NRG3: variants seen among roughly 807,000 people sequenced by gnomAD.
The protein encoded by NRG3 is pro-neuregulin-3, membrane-bound isoform.
Under a neutral mutation model 66.9 loss-of-function variants are expected in NRG3, and 31 were observed. The ratio of observed to expected loss-of-function variants is 0.46; its 90% CI spans 0.35 to 0.63. NRG3 has a LOEUF of 0.63. Among genes scored for constraint, NRG3 ranks in the 20% least tolerant of loss-of-function variants. The pLI is 0.00. For synonymous variants in NRG3, 393 were observed against 359.4 expected, an observed-to-expected ratio of 1.09 and a Z score of -1.06; for missense variants, 910 against 878.9, an observed-to-expected ratio of 1.04 and a Z score of -0.45.
intron 1 of NRG3, among the ~76,000 whole-genome samples, chr10:81,965,055 G>GCATTAGAA (rs2059680424): frequency 6.6e-6 from 1 of 152,082 alleles, no homozygotes; most frequent in African/African-American, 2.4e-5. Flanking sequence ...GCATCATTGG[G>GCATTAGAA]CATTAGAACA....
chr10:82,854,611 T>C (rs1396494470), intron 3 of NRG3, among the ~76,000 whole-genome samples: 4 of 152,210 alleles, frequency 2.6e-5, no homozygotes, highest in Non-Finnish European at 2.9e-5. Flanking sequence ...GCTTTAACGA[T>C]GGACAAGCCC....
intron 3 of NRG3, among the ~76,000 whole-genome samples, chr10:82,789,585 GT>G (rs1014658088): frequency 5.9e-5 from 9 of 152,032 alleles, no homozygotes; most frequent in Admixed American, 5.9e-4. Context: ...TGAATCTGAA[GT>G]ATATCTCTTG....
intron 1 of NRG3, among the ~76,000 whole-genome samples, chr10:82,258,107 A>G (rs1413130156): frequency 6.6e-6 from 1 of 152,182 alleles, no homozygotes; most frequent in Non-Finnish European, 1.5e-5. Context: ...CCGCTTTGTT[A>G]TTTAATAGTT....
chr10:82,803,402 A>G lies in NRG3; in HGVS notation c.1028-62009A>G, dbSNP rs962333573. ...GATAGGGAAATCTAGTTACCCATCT[A>G]TCTCCTAATAAATCATTGAAGACAA... On this transcript the variant is annotated intron_variant, in intron 3 of 8. Coordinates refer to ENST00000372141, the MANE Select transcript of NRG3 (RefSeq NM_001010848.4). 6.6e-5 allele frequency among the ~76,000 whole-genome samples: 10 copies of G among 152,240 alleles called. No individual in the cohort carries two copies. In the East Asian group the frequency reaches 1.3e-3, roughly 20 times the overall value.
chr10:82,680,539 T>C (rs997682703), intron 2 of NRG3, among the ~76,000 whole-genome samples: 2 of 152,326 alleles, frequency 1.3e-5, no homozygotes, highest in African/African-American at 4.8e-5. Flanking sequence ...ACCATAAATG[T>C]CTTACCAGAC....
chr10:82,098,197 T>G (rs951785088), intron 1 of NRG3, among the ~76,000 whole-genome samples: 1 of 151,758 alleles, frequency 6.6e-6, no homozygotes, highest in Non-Finnish European at 1.5e-5. Context: ...TTATGCACAT[T>G]AGCATACTGG....
intron 1 of NRG3, among the ~76,000 whole-genome samples, chr10:81,954,944 G>T (rs2133222925): frequency 6.6e-6 from 1 of 151,946 alleles, no homozygotes; most frequent in South Asian, 2.1e-4. Flanking sequence ...TGTTATTTAT[G>T]TCAGGATTCA....
chr10:82,530,160 C>T (rs1022569637), intron 2 of NRG3, among the ~76,000 whole-genome samples: 1 of 151,992 alleles, frequency 6.6e-6, no homozygotes, highest in African/African-American at 2.4e-5. Flanking sequence ...TAAAGAGAAA[C>T]TACTTGTTTC....
intron 1 of NRG3, among the ~76,000 whole-genome samples, chr10:82,043,428 C>G (rs1006717156): frequency 1.3e-5 from 2 of 151,970 alleles, no homozygotes; most frequent in African/African-American, 4.8e-5. Flanking sequence ...TGTGGTACTA[C>G]TGTTTCAAAA....
chr10:82,301,883 C>T (rs1001174472), intron 1 of NRG3, among the ~76,000 whole-genome samples: 4 of 151,738 alleles, frequency 2.6e-5, no homozygotes, highest in African/African-American at 9.7e-5. Flanking sequence ...CATCACATCA[C>T]TTTTTTGTGT....
chr10:82,837,842 C>A (rs2062855031), intron 3 of NRG3, among the ~76,000 whole-genome samples: 1 of 152,090 alleles, frequency 6.6e-6, no homozygotes, highest in Non-Finnish European at 1.5e-5. Flanking sequence ...GGAAAAGGGT[C>A]ACTATTGTGT....
At chr10:82,784,539 G>T (rs1014785030) in intron 3 of NRG3, among the ~76,000 whole-genome samples, 1 of 152,140 alleles carries the variant, frequency 6.6e-6, no homozygotes, top group African/African-American at 2.4e-5. Context: ...CAAAAAGTGG[G>T]CAAAGGATAT....
chr10:82,888,755 A>C (rs1406696217), intron 4 of NRG3, among the ~76,000 whole-genome samples: 1 of 152,030 alleles, frequency 6.6e-6, no homozygotes, highest in East Asian at 1.9e-4. Context: ...CTTAAGAAAG[A>C]AAAAATAAAA....
At chr10:82,192,571 C>T (rs2074211277) in intron 1 of NRG3, among the ~76,000 whole-genome samples, 1 of 152,168 alleles carries the variant, frequency 6.6e-6, no homozygotes, top group Admixed American at 6.6e-5. Flanking sequence ...TAAAAAAATT[C>T]CCTGCAGTTC....
intron 2 of NRG3, among the ~76,000 whole-genome samples, chr10:82,693,983 G>A (rs1300621882): frequency 1.3e-5 from 2 of 152,206 alleles, no homozygotes; most frequent in African/African-American, 4.8e-5. Flanking sequence ...ACAGAGTGCT[G>A]ATTTGTCCAT....
intron 2 of NRG3, among the ~76,000 whole-genome samples, chr10:82,640,106 C>G (rs1200102931): frequency 6.6e-6 from 1 of 152,154 alleles, no homozygotes; most frequent in African/African-American, 2.4e-5. Context: ...AGATTGTATT[C>G]TTTTTGATGG....
chr10:82,182,420 A>C (rs1023541466), intron 1 of NRG3, among the ~76,000 whole-genome samples: 1 of 151,500 alleles, frequency 6.6e-6, no homozygotes, highest in Non-Finnish European at 1.5e-5. Flanking sequence ...TATTATCTTT[A>C]GCATTACCAT....
At chr10:82,385,795 G>C (rs2085942134) in intron 2 of NRG3, among the ~76,000 whole-genome samples, 1 of 152,110 alleles carries the variant, frequency 6.6e-6, no homozygotes, top group African/African-American at 2.4e-5. Flanking sequence ...TTGTCCTGCT[G>C]AAAATTGTAA....
At chr10:82,916,160 T>C (rs1029855464) in intron 4 of NRG3, among the ~76,000 whole-genome samples, 8 of 152,216 alleles carry the variant, frequency 5.3e-5, no homozygotes, top group African/African-American at 1.9e-4. Context: ...TTCTTTAAGG[T>C]TGGGGCAATG....
Sources: gnomAD v4.1 joint callset for allele counts (sites outside exome capture counted in the v4.1 genomes callset) on GRCh38, gnomAD v4.1.1 for gene constraint, MANE v1.5 for transcripts, NCBI Gene and HGNC (gene_info 2026-07-23, HGNC 2026-07-21) for gene names.